Variants in HSPG2 observed in about 807,000 individuals in gnomAD.
HSPG2 encodes basement membrane-specific heparan sulfate proteoglycan core protein.
A neutral mutation model predicts 526.6 loss-of-function variants in HSPG2; 278 were observed. The observed-to-expected ratio is 0.53, with a 90% CI of 0.48 to 0.58. The LOEUF (loss-of-function observed/expected upper bound fraction) is 0.58. Ranked by LOEUF, HSPG2 falls within the 20% of genes least tolerant of loss-of-function variation. The probability of loss-of-function intolerance (pLI) is 0.00; values close to 1 mark genes in which losing one functional copy is unlikely to be tolerated. For missense variants in HSPG2, 5,354 were observed against 6,099.5 expected, an observed-to-expected ratio of 0.88 and a Z score of 4.07; for synonymous variants, 2,465 against 2,555.4, an observed-to-expected ratio of 0.96 and a Z score of 1.07.
intron 1 of HSPG2, among the ~76,000 whole-genome samples, chr1:21,911,071 C>T (rs1643640997): frequency 6.6e-6 from 1 of 152,178 alleles, no homozygotes; most frequent in South Asian, 2.1e-4. Context: ...AAGTCAGCCA[C>T]TAAGCTGTGT....
chr1:21,873,194 T>G (rs1300881737), intron 30 of HSPG2, 103 bp from the exon 31 acceptor site: 7 of 1,176,844 alleles, frequency 5.9e-6, no homozygotes, highest in Admixed American at 1.7e-5. Flanking sequence ...ATTTCTGATG[T>G]GAGTACTCAA....
At chr1:21,874,794 GATGGC>G (rs1284361376) in intron 26 of HSPG2, 65 bp from the exon 27 acceptor site, 4 of 1,505,572 alleles carry the variant, frequency 2.7e-6, no homozygotes, top group Non-Finnish European at 3.6e-6. Flanking sequence ...AGGGGCACTG[GATGGC>G]CAGGGCTGGG....
At position 21,851,692 on chromosome 1, in the gene HSPG2, C is replaced by T. The variant is rs374914708; in HGVS notation, c.7012G>A (p.Gly2338Ser). ...TQGANLAYPA[G>S]STQPIRIEPS... ...TCGATGCGGATGGGCTGGGTGCTGC[C>T]GGCAGCTGAGGGATAAGATGGTCAC... The change falls in exon 55 of 97, where the codon GGC becomes AGC. Residue 2338 changes from glycine to serine, a missense_variant. By Grantham distance (56) the Gly-to-Ser change is moderately conservative. Coordinates refer to ENST00000374695, the MANE Select transcript of HSPG2 (RefSeq NM_005529.7). 16 of 1,613,864 alleles carry T rather than the reference C, an allele frequency of 9.9e-6. No homozygotes were observed. The highest frequency in any genetic ancestry group is 2.7e-5 in the African/African-American group (2 of 74,908).
chr1:21,831,066 C>A lies in HSPG2; in HGVS notation c.11587G>T (p.Glu3863Ter). The A allele has an allele frequency of 6.3e-7, 1 of 1,597,642 alleles. No homozygotes were observed. ...CAGACGCACACGTAGCTGCTGCTCT[C>A]AGAGTCATGGCACTGACCGCCATTC... The part of the protein sequence containing the change: ...CQNGGQCHDS[E>*]SSSYVCVCPA... Residue 3863 changes from glutamate (E) to a stop codon, truncating the protein, a stop_gained, in exon 85 of 97, where the codon GAG (glutamate) becomes TAG (stop). Coordinates refer to ENST00000374695, the MANE Select transcript of HSPG2 (RefSeq NM_005529.7). LOFTEE classifies it high-confidence loss of function.
chr1:21,846,778 T>C (rs1253573992), intron 62 of HSPG2, among the ~76,000 whole-genome samples, 179 bp from the exon 63 acceptor site: 1 of 152,220 alleles, frequency 6.6e-6, no homozygotes, highest in Non-Finnish European at 1.5e-5. Flanking sequence ...GGTGGGTGGA[T>C]GACCTGAGGT....
rs1640907424 is a variant in HSPG2 at position 21,874,660 on chromosome 1, G to T, written c.3484C>A (p.His1162Asn). 6.2e-7 allele frequency: 1 copy of T among 1,613,172 alleles called. No individual in the cohort carries two copies. The highest frequency in any genetic ancestry group is 1.3e-5 in the African/African-American group (1 of 75,032). Residue 1162 changes from histidine to asparagine, a missense_variant, in exon 27 of 97, where the codon CAT becomes AAT. Physicochemically the swap from His to Asn is moderately conservative, Grantham distance 68 (BLOSUM62 1). Coordinates refer to ENST00000374695, the MANE Select transcript of HSPG2 (RefSeq NM_005529.7). ...GGCTCGCAGGCCTCTGAGTGGCCATGGCAGCTGCAGCGTTCACAGGTACCC... is the reference window on the plus strand; with the variant it reads ...GGCTCGCAGGCCTCTGAGTGGCCATTGCAGCTGCAGCGTTCACAGGTACCC... ...YLGTCERCSC[H>N]GHSEACEPET... is the part of the protein sequence containing the mutation.
At chr1:21,852,619 G>A (rs377670924) in intron 52 of HSPG2, 81 bp downstream of exon 52, 11 of 1,590,148 alleles carry the variant, frequency 6.9e-6, no homozygotes, top group South Asian at 4.4e-5. Context: ...TGCCCTGTCA[G>A]CAAGAGGGGT....
At position 21,865,709 on chromosome 1, in the gene HSPG2, A is replaced by G. The variant is rs778331565; in HGVS notation, c.4314+8T>C. On this transcript the variant is annotated splice_region_variant and intron_variant, in intron 34 of 96. Coordinates refer to ENST00000374695, the MANE Select transcript of HSPG2 (RefSeq NM_005529.7). This position sits in a 1 kb window ranked among gnomAD's most constrained non-coding sequence, Gnocchi z 5.4. ...TCTGCCCACCCAGCATGGTGTCCAA[A>G]TGCTCACCGTGATCTGCACATCGGG... 3 of 1,599,332 alleles carry G rather than the reference A, an allele frequency of 1.9e-6. No individual in the cohort carries two copies. The highest frequency in any genetic ancestry group is 2.6e-6 in the Non-Finnish European group (3 of 1,170,506).
rs1220618419 is a variant in HSPG2, at chr1:21,865,019, C to A, written c.4450G>T (p.Ala1484Ser). The A allele has an allele frequency of 6.3e-7, 1 of 1,577,364 alleles. No homozygotes were observed. Among genetic ancestry groups the A allele is most frequent in the African/African-American group, 1.3e-5 (1 of 74,166 alleles). Residue 1484 changes from alanine to serine, a missense_variant, in exon 36 of 97, where the codon GCA (alanine) becomes TCA (serine). Ala to Ser is a moderately conservative substitution (Grantham distance 99). Transcript: ENST00000374695. This position sits in a 1 kb window ranked among gnomAD's most constrained non-coding sequence, Gnocchi z 5.4. The part of the protein sequence containing the change: ...QPATREHLLM[A>S]LADLDELLIR... ...AGGAGCTCATCCAGGTCGGCCAGTGCCATCAGGAGGTGCTCGCGTGTGGCC... is the reference window on the plus strand; with the variant it reads ...AGGAGCTCATCCAGGTCGGCCAGTGACATCAGGAGGTGCTCGCGTGTGGCC...
rs777252509 is a variant in HSPG2 at position 21,887,490 on chromosome 1, G to A, written c.888C>T (p.His296=). 2 of 1,614,060 alleles carry A rather than the reference G, an allele frequency of 1.2e-6. No individual in the cohort carries two copies. The highest frequency in any genetic ancestry group is 1.1e-5 in the South Asian group (1 of 91,064). The change falls in exon 8 of 97, where the codon CAC becomes CAT. Residue 296 remains histidine (H), a synonymous_variant. Transcript: ENST00000374695. This position sits in a 1 kb window ranked among gnomAD's most constrained non-coding sequence, Gnocchi z 5.0. ...CGCAGAGGTAGTCTCTGGGGATGCA[G>A]TGCCCATTGCGGCATGCGGCCTCCT... ...GPQEAACRNG[H]CIPRDYLCDG... is the part of the protein sequence containing the mutation.
Position 21,841,576 on chromosome 1 carries a change from G to A in HSPG2, c.9291C>T (p.Tyr3097=), listed in dbSNP as rs534949106. The A allele has an allele frequency of 4.3e-5, 70 of 1,614,148 alleles. No individual in the cohort carries two copies. Among genetic ancestry groups the A allele is most frequent in the Middle Eastern group, 3.3e-4 (2 of 6,062 alleles). The change falls in exon 70 of 97, where the codon TAC becomes TAT. Residue 3097 remains tyrosine, a synonymous_variant. Transcript: ENST00000374695. ...GTYRCVASNA[Y]GVAQSVVNLS... is the part of the protein sequence containing the mutation. ...GGTTCACCACACTCTGGGCCACACC[G>A]TAGGCATTGGAGGCCACGCAGCGGT...
chr1:21,860,041 T>C, intron 40 of HSPG2, 39 bp from the exon 41 acceptor site: 1 of 1,605,132 alleles, frequency 6.2e-7, no homozygotes, highest in Non-Finnish European at 8.5e-7. Flanking sequence ...CCTTTCAGCA[T>C]TGTCTTCAAT....
At chr1:21,832,629 G>T (rs1288143956) in intron 80 of HSPG2, 23 bp from the exon 81 acceptor site, 1 of 1,596,578 alleles carries the variant, frequency 6.3e-7, no homozygotes, top group South Asian at 1.1e-5. Flanking sequence ...CACTGTGTAA[G>T]GGGCCCCCTT....
chr1:21,848,834 G>C lies in HSPG2; in HGVS notation c.7586-40C>G. ...TGTAAGGCAGGGTGTGGGAGCTGCT[G>C]AGGGTGCAGTCGGGGTCCCCCAGCC... is the stretch of plus-strand genomic sequence containing the variant. On this transcript the variant is annotated intron_variant, in intron 58 of 96. Coordinates refer to ENST00000374695, the MANE Select transcript of HSPG2 (RefSeq NM_005529.7). The surrounding 1 kb of genome is among the most constrained non-coding windows in gnomAD (Gnocchi z 4.9). The C allele has an allele frequency of 6.2e-7, 1 of 1,613,272 alleles. No individual in the cohort carries two copies. Among genetic ancestry groups the C allele is most frequent in the Non-Finnish European group, 8.5e-7 (1 of 1,179,970 alleles).
chr1:21,909,203 T>A (rs1393269009), intron 1 of HSPG2, among the ~76,000 whole-genome samples: 1 of 152,186 alleles, frequency 6.6e-6, no homozygotes, highest in Admixed American at 6.5e-5. Context: ...ATCATCCTCA[T>A]CATTCATTTA....
At position 21,885,168 on chromosome 1, in the gene HSPG2, C is replaced by A. The variant is rs375035055; in HGVS notation, c.1211-11G>T. 3 of 1,606,042 alleles carry A rather than the reference C, an allele frequency of 1.9e-6. No individual in the cohort carries two copies. Among genetic ancestry groups the A allele is most frequent in the Non-Finnish European group, 8.5e-7 (1 of 1,175,812 alleles). ...CCACCTGGGGGGGCACTGAGGAGACCAGGGCAGGAGTGAGGGGTCGGGGGC... is the reference window on the plus strand; with the variant it reads ...CCACCTGGGGGGGCACTGAGGAGACAAGGGCAGGAGTGAGGGGTCGGGGGC... On this transcript the variant is annotated splice_polypyrimidine_tract_variant and intron_variant, in intron 10 of 96. Transcript: ENST00000374695.
chr1:21,872,441 C>T lies in HSPG2; in HGVS notation c.4030-64G>A. 6.8e-7 allele frequency: 1 copy of T among 1,468,286 alleles called. No individual in the cohort carries two copies. The allele number at this position is 1,468,286 out of a possible 1,614,324, so 91.0% of individuals were successfully genotyped here. The stretch of plus-strand genomic sequence containing the variant: ...CGGGGTGCCTTGGTGGGGGATGGGG[C>T]ACGGGAGGGTGTTAAGGTGCGGAAT... On this transcript the variant is annotated intron_variant, in intron 32 of 96. Transcript: ENST00000374695. This position sits in a 1 kb window ranked among gnomAD's most constrained non-coding sequence, Gnocchi z 5.5.
At chr1:21,906,897 G>C (rs1055291437) in intron 1 of HSPG2, among the ~76,000 whole-genome samples, 1 of 152,148 alleles carries the variant, frequency 6.6e-6, no homozygotes, top group African/African-American at 2.4e-5. Flanking sequence ...GATTTTAGAC[G>C]TAAGATATGC....
In HSPG2 at chr1:21,904,208, C is replaced by T. The variant is rs1643250496; in HGVS notation, c.64-7898G>A. On this transcript the variant is annotated intron_variant, in intron 1 of 96. Coordinates refer to ENST00000374695, the MANE Select transcript of HSPG2 (RefSeq NM_005529.7). This position sits in a 1 kb window ranked among gnomAD's most constrained non-coding sequence, Gnocchi z 4.4. ...CAGAGCCCAGGGGAGGGTCCCCTCA[C>T]TTAGGGAGGTGGCTGGGAGGCTGGG... Among the ~76,000 whole-genome samples, 1 of 152,164 alleles carries T rather than the reference C, an allele frequency of 6.6e-6. No homozygotes were observed. The highest frequency in any genetic ancestry group is 1.5e-5 in the Non-Finnish European group (1 of 68,030).
Sources: gnomAD v4.1 joint callset for allele counts (sites outside exome capture counted in the v4.1 genomes callset) on GRCh38, gnomAD v4.1.1 for gene constraint, Gnocchi (gnomAD v3.1) non-coding constraint, MANE v1.5 for transcripts, NCBI Gene and HGNC (gene_info 2026-07-23, HGNC 2026-07-21) for gene names.